The following KIAA0513 variants were observed in gnomAD, a reference collection of about 807,000 sequenced individuals.
KIAA0513 encodes uncharacterized protein KIAA0513.
Under a neutral mutation model 56.5 loss-of-function variants are expected in KIAA0513, and 39 were observed. The ratio of observed to expected loss-of-function variants is 0.69; its 90% CI spans 0.53 to 0.90. KIAA0513 has a LOEUF of 0.90. Ranked by LOEUF, KIAA0513 falls within the 40% of genes least tolerant of loss-of-function variation. The probability of loss-of-function intolerance (pLI) is 0.00; values close to 1 mark genes in which losing one functional copy is unlikely to be tolerated. For synonymous variants in KIAA0513, 268 were observed against 215.6 expected, an observed-to-expected ratio of 1.24 and a Z score of -2.13; for missense variants, 591 against 535.2, an observed-to-expected ratio of 1.10 and a Z score of -1.03.
intron 1 of KIAA0513, among the ~76,000 whole-genome samples, chr16:85,056,526 C>T (rs1341377328): frequency 3.3e-5 from 5 of 152,224 alleles, no homozygotes; most frequent in Non-Finnish European, 5.9e-5. Context: ...GCCTCCCTTC[C>T]CAGCTCCACT....
intron 3 of KIAA0513, among the ~76,000 whole-genome samples, chr16:85,072,118 C>T (rs1472862351): frequency 1.3e-5 from 2 of 151,994 alleles, no homozygotes; most frequent in Non-Finnish European, 1.5e-5. Context: ...TTTGGGAGGC[C>T]GAGGTGGGAG....
chr16:85,083,461 C>T (rs925212973), intron 10 of KIAA0513, among the ~76,000 whole-genome samples: 3 of 151,948 alleles, frequency 2.0e-5, no homozygotes, highest in African/African-American at 7.2e-5. Flanking sequence ...CTAACAAACA[C>T]CTCCTTTCAT....
chr16:85,081,181 C>T lies in KIAA0513; in HGVS notation c.903-134C>T, dbSNP rs921318682. The T allele has an allele frequency of 1.5e-4, 120 of 787,122 alleles. No homozygotes were observed. The highest frequency in any genetic ancestry group is 7.2e-4 in the Middle Eastern group (2 of 2,776). 48.8% of individuals were successfully genotyped at this position (787,122 alleles called of 1,614,324 possible). A position where few individuals can be genotyped will look rare whatever the true frequency, so the allele number is the denominator to read the frequency against. ...CATATGCTCAGTTTTTCCTTCTCAG[C>T]CCTACCTCTCTGAGACTTCTTAGAA... On this transcript the variant is annotated intron_variant, in intron 8 of 12. Transcript: ENST00000683363. This position sits in a 1 kb window ranked among gnomAD's most constrained non-coding sequence, Gnocchi z 4.4.
chr16:85,068,534 A>G (rs1220537366), intron 2 of KIAA0513, among the ~76,000 whole-genome samples: 1 of 151,144 alleles, frequency 6.6e-6, no homozygotes, highest in Non-Finnish European at 1.5e-5. Flanking sequence ...GGGTTTCACC[A>G]TGTTAGCCAG....
At chr16:85,057,554 A>T (rs1186484303) in intron 1 of KIAA0513, among the ~76,000 whole-genome samples, 1 of 152,164 alleles carries the variant, frequency 6.6e-6, no homozygotes, top group Non-Finnish European at 1.5e-5. Context: ...CATTGACAAC[A>T]TCTCTTATGG....
intron 8 of KIAA0513, among the ~76,000 whole-genome samples, chr16:85,080,813 T>C (rs1961085987): frequency 6.6e-6 from 1 of 152,068 alleles, no homozygotes; most frequent in African/African-American, 2.4e-5. Context: ...AATAAATAAA[T>C]AAAATAAGAA....
At chr16:85,069,327 C>T (rs563196482) in intron 2 of KIAA0513, among the ~76,000 whole-genome samples, 7 of 152,116 alleles carry the variant, frequency 4.6e-5, no homozygotes, top group South Asian at 2.1e-4. Flanking sequence ...CCTCCTGCCA[C>T]GACTCCCCGA....
Position 85,088,482 on chromosome 16 carries a change from T to A in KIAA0513, c.*157T>A, listed in dbSNP as rs2144116271. 1.6e-6 allele frequency: 1 copy of A among 624,456 alleles called. No homozygotes were observed. Among genetic ancestry groups the A allele is most frequent in the Middle Eastern group, 4.3e-4 (1 of 2,322 alleles). The allele number at this position is 624,456 out of a possible 1,614,324, so 38.7% of individuals were successfully genotyped here. On this transcript the variant is annotated 3_prime_UTR_variant, in exon 13 of 13. Transcript: ENST00000683363. Reference sequence around the variant, plus strand: ...ACTAGCGGTTAGAAGAATCCGCTGTTCCTCCCTCATCTCCTCTGCCTGTGT... The same window carrying A: ...ACTAGCGGTTAGAAGAATCCGCTGTACCTCCCTCATCTCCTCTGCCTGTGT...
intron 2 of KIAA0513, among the ~76,000 whole-genome samples, chr16:85,071,500 G>A (rs924716373): frequency 2.0e-5 from 3 of 152,192 alleles, no homozygotes; most frequent in Non-Finnish European, 4.4e-5. Context: ...GAGGCGCAGG[G>A]GAAGGACATG....
At position 85,064,671 on chromosome 16, in the gene KIAA0513, C is replaced by T. The variant is rs1391790828; in HGVS notation, c.-172-2229C>T. 2.6e-5 allele frequency among the ~76,000 whole-genome samples: 4 copies of T among 152,062 alleles called. No homozygotes were observed. The South Asian group carries it at 6.2e-4, about 24-fold the overall frequency. On this transcript the variant is annotated intron_variant, in intron 1 of 12. Transcript: ENST00000683363. Reference sequence around the variant, plus strand: ...TTAGTATGGGTTGAAGAATTGTCTACGCCTTTAATAATTGTATTTCTTTTT... The same window carrying T: ...TTAGTATGGGTTGAAGAATTGTCTATGCCTTTAATAATTGTATTTCTTTTT...
At chr16:85,085,056 G>C (rs2073792882) in intron 10 of KIAA0513, among the ~76,000 whole-genome samples, 1 of 152,224 alleles carries the variant, frequency 6.6e-6, no homozygotes, top group Non-Finnish European at 1.5e-5. Context: ...ACTCCCAAGG[G>C]AGACGTTCCC....
intron 1 of KIAA0513, among the ~76,000 whole-genome samples, chr16:85,047,933 G>T (rs182118179): frequency 6.6e-6 from 1 of 152,284 alleles, no homozygotes; most frequent in African/African-American, 2.4e-5. Context: ...TAGCTCCTTT[G>T]TGTGCCTGTC....
chr16:85,037,541 C>T (rs936596352), intron 1 of KIAA0513, among the ~76,000 whole-genome samples: 1 of 152,104 alleles, frequency 6.6e-6, no homozygotes, highest in African/African-American at 2.4e-5. Flanking sequence ...AAGACTGCCT[C>T]CCGTAATTTT....
At chr16:85,037,829 A>C (rs1395593241) in intron 1 of KIAA0513, among the ~76,000 whole-genome samples, 10 of 152,178 alleles carry the variant, frequency 6.6e-5, no homozygotes, top group Admixed American at 6.5e-4. Flanking sequence ...AGCATCTCTC[A>C]CGTCCTCTCT....
chr16:85,045,261 C>T (rs1477785655), intron 1 of KIAA0513, among the ~76,000 whole-genome samples: 1 of 152,212 alleles, frequency 6.6e-6, no homozygotes, highest in East Asian at 1.9e-4. Flanking sequence ...ACCACACATG[C>T]CTGGTTTCAG....
In KIAA0513 at chr16:85,088,316, C is replaced by T. The variant is rs1405420151; in HGVS notation, c.1227C>T (p.Ala409=). The change falls in exon 13 of 13, where the codon GCC becomes GCT. Residue 409 remains alanine, a synonymous_variant. Coordinates refer to ENST00000683363, the MANE Select transcript of KIAA0513 (RefSeq NM_001388359.1). ...KLLSDHIEQM[A]TE is the part of the protein sequence containing the mutation. Reference sequence around the variant, plus strand: ...TTAGTGACCACATTGAGCAAATGGCCACTGAGTAGGCCCCAGAGGTCGCAC... The same window carrying T: ...TTAGTGACCACATTGAGCAAATGGCTACTGAGTAGGCCCCAGAGGTCGCAC... 8 of 1,611,116 alleles carry T rather than the reference C, an allele frequency of 5.0e-6. No individual in the cohort carries two copies. The highest frequency in any genetic ancestry group is 6.8e-6 in the Non-Finnish European group (8 of 1,179,758).
chr16:85,072,083 T>A lies in KIAA0513; in HGVS notation c.429+201T>A, dbSNP rs1390337083. Among the ~76,000 whole-genome samples the A allele has an allele frequency of 3.3e-5, 5 of 152,276 alleles. No individual in the cohort carries two copies. The East Asian group carries it at 9.6e-4, about 29-fold the overall frequency. On this transcript the variant is annotated intron_variant, in intron 3 of 12. Transcript: ENST00000683363. ...ATAGTAAGAAACAGTCTGGGCACAG[T>A]GGCTCATGCCTGTAATCCCAGCAGT...
In KIAA0513 at chr16:85,092,861, CAGGAACAGGA is replaced by C. The variant is rs1334031188; in HGVS notation, c.*4538_*4547del. On this transcript the variant is annotated 3_prime_UTR_variant, in exon 13 of 13. Transcript: ENST00000683363. ...CCCAGGAACCCTTGCTGCCGCGGGC[CAGGAACAGGA>C]ATGTGTTGGTGCCTGAGACACCAAA... 6.6e-6 allele frequency: 1 copy of C among 152,318 alleles called. No individual in the cohort carries two copies. The highest frequency in any genetic ancestry group is 1.5e-5 in the Non-Finnish European group (1 of 68,168). The allele number at this position is 152,318 out of a possible 1,614,324, so 9.4% of individuals were successfully genotyped here. A position where few individuals can be genotyped will look rare whatever the true frequency, so the allele number is the denominator to read the frequency against.
At chr16:85,039,613 C>T (rs2073079359) in intron 1 of KIAA0513, among the ~76,000 whole-genome samples, 1 of 152,166 alleles carries the variant, frequency 6.6e-6, no homozygotes, top group South Asian at 2.1e-4. Flanking sequence ...ACTGGGACTA[C>T]AGACATACGT....
Sources: allele counts gnomAD v4.1 joint callset (sites outside exome capture counted in the v4.1 genomes callset), GRCh38; gene constraint gnomAD v4.1.1; non-coding constraint Gnocchi (gnomAD v3.1); transcripts MANE v1.5; gene names NCBI Gene and HGNC (gene_info 2026-07-23, HGNC 2026-07-21).